PKD1: variants seen among roughly 807,000 people sequenced by gnomAD.
The protein encoded by PKD1 is polycystin 1, transient receptor potential channel interacting, also known as polycystin-1.
In PKD1, 81 loss-of-function variants were observed where a neutral mutation model predicts 361.7. The observed-to-expected ratio is 0.22, with a 90% CI of 0.19 to 0.27. The LOEUF (loss-of-function observed/expected upper bound fraction) is 0.27. Among genes scored for constraint, PKD1 ranks in the 10% least tolerant of loss-of-function variants. The pLI is 1.00. For missense variants in PKD1, 6,399 were observed against 6,118.3 expected (o/e 1.05, Z -1.53); for synonymous variants, 3,615 against 2,818.3 (o/e 1.28, Z -8.95).
In PKD1 at chr16:2,111,863, G is replaced by A. The variant is rs923977277; in HGVS notation, c.3304C>T (p.Leu1102Phe). The A allele has an allele frequency of 6.2e-7, 1 of 1,610,246 alleles. No homozygotes were observed. Among genetic ancestry groups the A allele is most frequent in the South Asian group, 1.1e-5 (1 of 90,976 alleles). ...MHTYAAPGEY[L>F]LTVLASNAFE... The stretch of plus-strand genomic sequence containing the variant: ...GCATTAGATGCCAGCACGGTCAGGA[G>A]GTACTCACCTGTGGGGACAGGCCCG... The change falls in exon 15 of 46, where the codon CTC (leucine) becomes TTC (phenylalanine). Residue 1102 changes from leucine to phenylalanine, a missense_variant. Coordinates refer to ENST00000262304, the MANE Select transcript of PKD1 (RefSeq NM_001009944.3).
At position 2,112,275 on chromosome 16, in the gene PKD1, G is replaced by A. The variant is rs2092533110; in HGVS notation, c.3295+65C>T. On this transcript the variant is annotated intron_variant, in intron 14 of 45. Coordinates refer to ENST00000262304, the MANE Select transcript of PKD1 (RefSeq NM_001009944.3). ...GAGGAAGGGGGGCAGCTTGACTGGG[G>A]AGCTGGGGGGACCCCGTGCTCAGAG... 3.0e-5 allele frequency: 42 copies of A among 1,421,270 alleles called. 1 individual carries two copies. The South Asian group carries it at 4.8e-4, about 16-fold the overall frequency. 88.0% of individuals were successfully genotyped at this position (1,421,270 alleles called of 1,614,324 possible). A position where few individuals can be genotyped will look rare whatever the true frequency, so the allele number is the denominator to read the frequency against.
Position 2,106,232 on chromosome 16 carries a change from T to A in PKD1, c.7562A>T (p.His2521Leu), listed in dbSNP as rs202162543. ...ALLLRRCRQG[H>L]CEEFCVYKGS... is the part of the protein sequence containing the mutation. ...CTTGTAGACACAGAACTCCTCGCAG[T>A]GGCCCTGGCGACAGCGCCGCAGCAG... is the stretch of plus-strand genomic sequence containing the variant. The change falls in exon 19 of 46, where the codon CAC becomes CTC. Residue 2521 changes from histidine (H) to leucine (L), a missense_variant. Transcript: ENST00000262304. This position sits in a 1 kb window ranked among gnomAD's most constrained non-coding sequence, Gnocchi z 6.5. 6.2e-7 allele frequency: 1 copy of A among 1,610,086 alleles called. No homozygotes were observed.
At position 2,090,303 on chromosome 16, in the gene PKD1, G is replaced by A. The variant is rs764507987; in HGVS notation, c.12426C>T (p.Gly4142=). ...LFLRRLRLWM[G]LSKVKEFRHK... ...TACCCACCTCCTTGACCTTGCTGAGGCCCATCCAGAGGCGCAGCCTGCGCA... is the reference window on the plus strand; with the variant it reads ...TACCCACCTCCTTGACCTTGCTGAGACCCATCCAGAGGCGCAGCCTGCGCA... The change falls in exon 45 of 46, where the codon GGC becomes GGT. Residue 4142 remains glycine, a synonymous_variant. Transcript: ENST00000262304. 6.2e-7 allele frequency: 1 copy of A among 1,610,740 alleles called. No homozygotes were observed. The highest frequency in any genetic ancestry group is 8.5e-7 in the Non-Finnish European group (1 of 1,178,596).
chr16:2,135,420 C>T, intron 1 of PKD1, 55 bp downstream of exon 1: 1 of 1,136,972 alleles, frequency 8.8e-7, no homozygotes, highest in Non-Finnish European at 1.1e-6. Context: ...AGGGAACGCG[C>T]CCACGCCCGC....
intron 16 of PKD1, 124 bp downstream of exon 16, chr16:2,107,759 T>C (rs886128263): frequency 1.3e-5 from 12 of 898,822 alleles, no homozygotes; most frequent in Admixed American, 2.0e-5. Context: ...TTACATAGAA[T>C]TTGCATCAGA....
chr16:2,092,280 C>T, intron 39 of PKD1, 92 bp from the exon 40 acceptor site: 8 of 1,377,888 alleles, frequency 5.8e-6, no homozygotes, highest in Non-Finnish European at 8.0e-6. Flanking sequence ...AGCTCTGGTT[C>T]GGCGCCACCC....
chr16:2,117,300 G>A (rs2092654063), intron 6 of PKD1, among the ~76,000 whole-genome samples, 189 bp downstream of exon 6: 1 of 152,160 alleles, frequency 6.6e-6, no homozygotes. Context: ...TCCGGAGGCT[G>A]CCCCCAGCTC....
At chr16:2,092,884 C>G in intron 38 of PKD1, 70 bp downstream of exon 38, 1 of 1,574,934 alleles carries the variant, frequency 6.3e-7, no homozygotes, top group Non-Finnish European at 8.7e-7. Flanking sequence ...CCACATGTCC[C>G]CTAGGGTCTG....
At chr16:2,091,644 C>G (rs772228852) in intron 41 of PKD1, 47 bp from the exon 42 acceptor site, 17 of 1,556,630 alleles carry the variant, frequency 1.1e-5, no homozygotes, top group Non-Finnish European at 1.5e-5. Context: ...AGGGCGGGAG[C>G]TGCGGGGACC....
Position 2,118,092 on chromosome 16 carries a change from G to A in PKD1, c.900C>T (p.Val300=). Residue 300 remains valine (V), a synonymous_variant, in exon 5 of 46, where the codon GTC becomes GTT. Transcript: ENST00000262304. This position sits in a 1 kb window ranked among gnomAD's most constrained non-coding sequence, Gnocchi z 6.0. ...AAFHIAAPLP[V]TATRWDFGDG... is the part of the protein sequence containing the mutation. ...CTCCGAAGTCCCAGCGTGTGGCAGTGACAGGGAGCGGGGCAGCGATGTGGA... is the reference window on the plus strand; with the variant it reads ...CTCCGAAGTCCCAGCGTGTGGCAGTAACAGGGAGCGGGGCAGCGATGTGGA... The A allele has an allele frequency of 2.5e-6, 4 of 1,606,928 alleles. No individual in the cohort carries two copies. Among genetic ancestry groups the A allele is most frequent in the Non-Finnish European group, 3.4e-6 (4 of 1,178,980 alleles).
At position 2,106,895 on chromosome 16, in the gene PKD1, G is replaced by T; in HGVS notation, c.7119C>A (p.Cys2373Ter). 1 of 1,562,448 alleles carries T rather than the reference G, an allele frequency of 6.4e-7. No individual in the cohort carries two copies. The change falls in exon 17 of 46, where the codon TGC becomes TGA. Residue 2373 changes from cysteine (C) to a stop codon, truncating the protein, a stop_gained. Coordinates refer to ENST00000262304, the MANE Select transcript of PKD1 (RefSeq NM_001009944.3). LOFTEE classifies it high-confidence loss of function. This position sits in a 1 kb window ranked among gnomAD's most constrained non-coding sequence, Gnocchi z 6.5. The stretch of plus-strand genomic sequence containing the variant: ...TCACTTCGTACACGGCCTGTGCCTT[G>T]CAGGACACACACTCCAAGGACACAA... ...VPIVSLECVS[C>*]KAQAVYEVSR...
intron 38 of PKD1, 46 bp from the exon 39 acceptor site, chr16:2,092,638 C>G (rs1567155507): frequency 7.4e-7 from 1 of 1,358,566 alleles, no homozygotes; most frequent in South Asian, 1.2e-5. Flanking sequence ...TGCCCCATGC[C>G]CGCCTCGAGT....
chr16:2,089,976 G>A lies in PKD1; in HGVS notation c.12663C>T (p.Ala4221=). The change falls in exon 46 of 46, where the codon GCC becomes GCT. Residue 4221 remains alanine (A), a synonymous_variant. Transcript: ENST00000262304. ...TGAGTCGGTCAAACTGGGTGAGCAGGGCCTCGAACACGGCTTGGAGGCGGG... is the reference window on the plus strand; with the variant it reads ...TGAGTCGGTCAAACTGGGTGAGCAGAGCCTCGAACACGGCTTGGAGGCGGG... The part of the protein sequence containing the change: ...EPSRLQAVFE[A]LLTQFDRLNQ... The A allele has an allele frequency of 2.5e-6, 4 of 1,612,034 alleles. No individual in the cohort carries two copies. Among genetic ancestry groups the A allele is most frequent in the South Asian group, 1.1e-5 (1 of 90,932 alleles).
At position 2,110,107 on chromosome 16, in the gene PKD1, A is replaced by G. The variant is rs773158372; in HGVS notation, c.5060T>C (p.Val1687Ala). ...AGSGKGFSLT[V>A]LEAGTYHVQL... ...CACATGGTAGGTGCCGGCCTCGAGC[A>G]CGGTGAGCGAGAAGCCTTTGCCGCT... The change falls in exon 15 of 46, where the codon GTG becomes GCG. Residue 1687 changes from valine to alanine, a missense_variant. Val to Ala is a moderately conservative substitution (Grantham distance 64). Coordinates refer to ENST00000262304, the MANE Select transcript of PKD1 (RefSeq NM_001009944.3). 6.2e-7 allele frequency: 1 copy of G among 1,609,740 alleles called. No homozygotes were observed. Among genetic ancestry groups the G allele is most frequent in the South Asian group, 1.1e-5 (1 of 90,852 alleles).
intron 1 of PKD1, among the ~76,000 whole-genome samples, chr16:2,128,349 G>T (rs995570843): frequency 6.8e-6 from 1 of 146,556 alleles, no homozygotes; most frequent in African/African-American, 2.6e-5. Flanking sequence ...GGGAGAGGTG[G>T]GAGGGGCTGG....
chr16:2,106,921 T>A lies in PKD1; in HGVS notation c.7093A>T (p.Ile2365Phe). The A allele has an allele frequency of 6.3e-7, 1 of 1,576,572 alleles. No individual in the cohort carries two copies. Among genetic ancestry groups the A allele is most frequent in the East Asian group, 2.2e-5 (1 of 44,800 alleles). The change falls in exon 17 of 46, where the codon ATT becomes TTT. Residue 2365 changes from isoleucine (I) to phenylalanine (F), a missense_variant. By Grantham distance (21) the Ile-to-Phe change is conservative. Transcript: ENST00000262304. The surrounding 1 kb of genome is among the most constrained non-coding windows in gnomAD (Gnocchi z 6.5). ...CAGGACACACACTCCAAGGACACAA[T>A]GGGCACCCGGCCACTCCGGATCAGC... ...TVLIRSGRVPIVSLECVSCKA... is the reference protein window; with the variant it reads ...TVLIRSGRVPFVSLECVSCKA...
At position 2,091,126 on chromosome 16, in the gene PKD1, T is replaced by G; in HGVS notation, c.11761A>C (p.Thr3921Pro). Residue 3921 changes from threonine (T) to proline (P), a missense_variant, in exon 43 of 46, where the codon ACT becomes CCT. Coordinates refer to ENST00000262304, the MANE Select transcript of PKD1 (RefSeq NM_001009944.3). ...AVHFAVAEAR[T>P]WHREGRWRVL... ...CGCCAGCGCCCTTCCCTGTGCCAAG[T>G]ACGGGCCTCGGCCACGGCGAAGTGC... 6.7e-7 allele frequency: 1 copy of G among 1,486,546 alleles called. No individual in the cohort carries two copies. The allele number at this position is 1,486,546 out of a possible 1,614,324, so 92.1% of individuals were successfully genotyped here. A position where few individuals can be genotyped will look rare whatever the true frequency, so the allele number is the denominator to read the frequency against.
Position 2,135,598 on chromosome 16 carries a change from C to A in PKD1, c.92G>T (p.Gly31Val). 2.0e-6 allele frequency: 2 copies of A among 1,020,364 alleles called. No homozygotes were observed. Among genetic ancestry groups the A allele is most frequent in the Non-Finnish European group, 2.3e-6 (2 of 854,124 alleles). 63.2% of individuals were successfully genotyped at this position (1,020,364 alleles called of 1,614,324 possible). ...ALAGGPGRGC[G>V]PCEPPCLCGP... ...GCAGAGGCAGGGGGGCTCGCAGGGC[C>A]CGCAGCCGCGCCCGGGGCCCCCCGC... The change falls in exon 1 of 46, where the codon GGG (glycine) becomes GTG (valine). Residue 31 changes from glycine to valine, a missense_variant. Physicochemically the swap from Gly to Val is moderately radical, Grantham distance 109 (BLOSUM62 -3). Transcript: ENST00000262304.
rs141019984 is a variant in PKD1, at chr16:2,103,714, G to C, written c.8343C>G (p.Ile2781Met). 3.7e-6 allele frequency: 6 copies of C among 1,609,930 alleles called. No individual in the cohort carries two copies. Among genetic ancestry groups the C allele is most frequent in the Admixed American group, 1.7e-5 (1 of 59,976 alleles). Residue 2781 changes from isoleucine (I) to methionine (M), a missense_variant, in exon 23 of 46, where the codon ATC (isoleucine) becomes ATG (methionine). Transcript: ENST00000262304. ...EEPLTLAGEE[I>M]VAQGKRSDPR... ...GGTCCGAGCGCTTGCCCTGGGCCAC[G>C]ATCTCCTCGCCCGCCAGCGTCAGGG...
Sources: allele counts gnomAD v4.1 joint callset (sites outside exome capture counted in the v4.1 genomes callset), GRCh38; gene constraint gnomAD v4.1.1; non-coding constraint Gnocchi (gnomAD v3.1); transcripts MANE v1.5; gene names NCBI Gene and HGNC (gene_info 2026-07-23, HGNC 2026-07-21).